Variants in TNR observed in about 807,000 individuals in gnomAD.
The protein encoded by TNR is tenascin R, also known as tenascin-R.
A neutral mutation model predicts 150.4 loss-of-function variants in TNR; 45 were observed. The observed-to-expected ratio is 0.30, with a 90% CI of 0.24 to 0.38. The LOEUF is 0.38. Among genes scored for constraint, TNR ranks in the 10% least tolerant of loss-of-function variants. The pLI is 1.00. For missense variants in TNR, 1,544 were observed against 1,759.1 expected, an observed-to-expected ratio of 0.88 and a Z score of 2.19; for synonymous variants, 687 against 678.4, an observed-to-expected ratio of 1.01 and a Z score of -0.20.
chr1:175,514,896 T>C (rs1052186742), intron 2 of TNR, among the ~76,000 whole-genome samples: 2 of 152,174 alleles, frequency 1.3e-5, no homozygotes, highest in African/African-American at 2.4e-5. Flanking sequence ...GGTCACCACA[T>C]GGTTTGTGCT....
intron 14 of TNR, 152 bp downstream of exon 14, chr1:175,362,511 G>C: frequency 1.2e-6 from 1 of 854,522 alleles, no homozygotes; most frequent in Non-Finnish European, 1.8e-6. Flanking sequence ...TATTGGGGGA[G>C]AGAAATTGCA....
intron 1 of TNR, among the ~76,000 whole-genome samples, chr1:175,565,052 G>A (rs1661588098): frequency 2.0e-5 from 3 of 152,244 alleles, no homozygotes; most frequent in South Asian, 4.1e-4. Flanking sequence ...TAAAAGCTGA[G>A]CTCACTATTC....
chr1:175,701,317 C>T (rs1666690094), intron 1 of TNR, among the ~76,000 whole-genome samples: 1 of 152,328 alleles, frequency 6.6e-6, no homozygotes, highest in South Asian at 2.1e-4. Context: ...TTGCCCCACC[C>T]ACCACTTCTT....
chr1:175,703,392 G>C (rs56886101), intron 1 of TNR, among the ~76,000 whole-genome samples: 8 of 152,254 alleles, frequency 5.3e-5, no homozygotes, highest in African/African-American at 1.9e-4. Flanking sequence ...ACAGTTCTTG[G>C]TTCAGAGGCA....
chr1:175,381,340 TTC>T (rs1652670168), intron 8 of TNR, among the ~76,000 whole-genome samples: 2 of 152,220 alleles, frequency 1.3e-5, no homozygotes, highest in African/African-American at 4.8e-5. Context: ...CCTAGTGCTC[TTC>T]ACAACTAAAA....
intron 22 of TNR, among the ~76,000 whole-genome samples, 196 bp from the exon 23 acceptor site, chr1:175,323,672 G>C (rs1371187104): frequency 6.6e-6 from 1 of 152,190 alleles, no homozygotes; most frequent in Non-Finnish European, 1.5e-5. Flanking sequence ...TAAATGTGCC[G>C]GTGGCCTGGG....
chr1:175,381,427 T>C (rs34818474), intron 8 of TNR, among the ~76,000 whole-genome samples: 3,505 of 152,360 alleles, frequency 0.023, 71 homozygotes, highest in Non-Finnish European at 0.032. Flanking sequence ...TCATAGGGGT[T>C]GTGGTCTGTA....
intron 1 of TNR, among the ~76,000 whole-genome samples, chr1:175,557,632 G>C (rs1160037643): frequency 2.0e-5 from 3 of 151,478 alleles, no homozygotes; most frequent in Non-Finnish European, 4.4e-5. Flanking sequence ...ACAGGTGCTG[G>C]AGAGGATGTG....
rs796390097 is a variant in TNR at position 175,379,174 on chromosome 1, C to T, written c.1963+378G>A. The stretch of plus-strand genomic sequence containing the variant: ...AGCCTGGGCAATAAGAGTGAAACTC[C>T]GTCTCAAAAAAAAAAAAAAAAAAAA... On this transcript the variant is annotated intron_variant, in intron 9 of 22. Transcript: ENST00000367674. Among the ~76,000 whole-genome samples the T allele has an allele frequency of 1.7e-4, 14 of 83,256 alleles. 1 individual carries two copies. The East Asian group carries it at 3.8e-3, about 22-fold the overall frequency. The allele number at this position is 83,256 out of a possible 152,430, so 54.6% of individuals were successfully genotyped here. A position where few individuals can be genotyped will look rare whatever the true frequency, so the allele number is the denominator to read the frequency against.
At chr1:175,458,862 G>T (rs1656684342) in intron 2 of TNR, among the ~76,000 whole-genome samples, 1 of 152,044 alleles carries the variant, frequency 6.6e-6, no homozygotes, top group Non-Finnish European at 1.5e-5. Flanking sequence ...ATCACTGTCA[G>T]CATTATGATC....
intron 6 of TNR, among the ~76,000 whole-genome samples, chr1:175,393,499 A>T (rs993940070): frequency 6.6e-6 from 1 of 152,180 alleles, no homozygotes; most frequent in African/African-American, 2.4e-5. Flanking sequence ...ATCAGACCCC[A>T]GAGTTATCTC....
At chr1:175,639,986 G>T (rs763110281) in intron 1 of TNR, among the ~76,000 whole-genome samples, 3 of 152,188 alleles carry the variant, frequency 2.0e-5, no homozygotes, top group Non-Finnish European at 4.4e-5. Context: ...GAAGTGCAAG[G>T]ACTTCTTCTG....
intron 7 of TNR, among the ~76,000 whole-genome samples, chr1:175,388,270 A>T (rs921719892): frequency 6.6e-6 from 1 of 152,218 alleles, no homozygotes; most frequent in Non-Finnish European, 1.5e-5. Flanking sequence ...TGGAAAAAAA[A>T]AAAAGTGTCA....
intron 17 of TNR, 58 bp from the exon 18 acceptor site, chr1:175,354,581 A>G (rs1651229273): frequency 6.2e-7 from 1 of 1,610,376 alleles, no homozygotes; most frequent in Non-Finnish European, 8.5e-7. Context: ...GCAATTTGGG[A>G]AAGTAGGGAA....
intron 2 of TNR, among the ~76,000 whole-genome samples, chr1:175,433,368 C>T (rs1655358080): frequency 1.3e-5 from 2 of 152,290 alleles, no homozygotes; most frequent in South Asian, 2.1e-4. Context: ...GTACTTGATG[C>T]TTTGAGGGTG....
intron 1 of TNR, among the ~76,000 whole-genome samples, chr1:175,680,439 G>A (rs572436088): frequency 6.6e-6 from 1 of 152,168 alleles, no homozygotes; most frequent in Non-Finnish European, 1.5e-5. Context: ...AAAGGCGGGA[G>A]TGTGTTAAGA....
intron 1 of TNR, among the ~76,000 whole-genome samples, chr1:175,737,931 A>G (rs935063099): frequency 6.6e-6 from 1 of 152,136 alleles, no homozygotes; most frequent in Non-Finnish European, 1.5e-5. Context: ...CGTGCTCCCC[A>G]AGGGTGAGGG....
At chr1:175,681,549 T>C (rs1425743565) in intron 1 of TNR, among the ~76,000 whole-genome samples, 1 of 152,174 alleles carries the variant, frequency 6.6e-6, no homozygotes, top group Non-Finnish European at 1.5e-5. Context: ...GAAAGTTAGA[T>C]TAAATCCGCC....
At chr1:175,383,681 C>T (rs1240063902) in intron 8 of TNR, among the ~76,000 whole-genome samples, 1 of 152,214 alleles carries the variant, frequency 6.6e-6, no homozygotes, top group Non-Finnish European at 1.5e-5. Context: ...GGAGCCATCA[C>T]CTGGAAAAGC....
Sources: gnomAD v4.1 joint callset for allele counts (sites outside exome capture counted in the v4.1 genomes callset) on GRCh38, gnomAD v4.1.1 for gene constraint, MANE v1.5 for transcripts, NCBI Gene and HGNC (gene_info 2026-07-23, HGNC 2026-07-21) for gene names.